The following KBTBD3 variants were observed in gnomAD, a reference collection of about 807,000 sequenced individuals.
KBTBD3 encodes kelch repeat and BTB domain-containing protein 3.
KBTBD3 carries 38 observed loss-of-function variants against 49.6 expected under a neutral mutation model. That is an observed-to-expected ratio of 0.77 (90% CI 0.59 to 1.00). The LOEUF is 1.00. Among genes scored for constraint, KBTBD3 ranks in the 50% least tolerant of loss-of-function variants. KBTBD3 has a pLI of 0.00. For missense variants in KBTBD3, 661 were observed against 712.0 expected (o/e 0.93, Z 0.81); for synonymous variants, 214 against 250.4 (o/e 0.85, Z 1.37).
intron 2 of KBTBD3, among the ~76,000 whole-genome samples, chr11:106,062,414 A>G (rs1450693411): frequency 6.6e-6 from 1 of 152,208 alleles, no homozygotes; most frequent in African/African-American, 2.4e-5. Context: ...GATACCCAGG[A>G]GAGCTGACAG....
intron 3 of KBTBD3, 105 bp downstream of exon 3, chr11:106,058,760 A>T: frequency 1.4e-6 from 1 of 700,784 alleles, no homozygotes; most frequent in Non-Finnish European, 2.4e-6. Context: ...TTTTAGAATT[A>T]AAAATTACTG....
At chr11:106,059,926 C>A (rs1358062029) in intron 2 of KBTBD3, among the ~76,000 whole-genome samples, 1 of 152,092 alleles carries the variant, frequency 6.6e-6, no homozygotes, top group Non-Finnish European at 1.5e-5. Context: ...CAGTTATCAC[C>A]CTAAAATTAG....
intron 2 of KBTBD3, among the ~76,000 whole-genome samples, chr11:106,059,903 G>A (rs1448169388): frequency 2.0e-5 from 3 of 152,094 alleles, no homozygotes; most frequent in Non-Finnish European, 2.9e-5. Context: ...ACCTTGATTC[G>A]ACATTTCTGT....
rs112395379 is a variant in KBTBD3 at position 106,058,581 on chromosome 11, G to C, written c.233+284C>G. ...TGGGATTACAGGCGCACGCCATTGC[G>C]ACCGGCTAATTTTTGTATTTTTAGT... On this transcript the variant is annotated intron_variant, in intron 3 of 3. Coordinates refer to ENST00000531837, the MANE Select transcript of KBTBD3 (RefSeq NM_198439.3). 8.6e-5 allele frequency among the ~76,000 whole-genome samples: 13 copies of C among 151,766 alleles called. No homozygotes were observed. In the South Asian group the frequency reaches 2.7e-3, roughly 32 times the overall value.
At chr11:106,072,108 G>A (rs1421740392) in intron 2 of KBTBD3, among the ~76,000 whole-genome samples, 1 of 152,144 alleles carries the variant, frequency 6.6e-6, no homozygotes, top group African/African-American at 2.4e-5. Flanking sequence ...GTCATTACAT[G>A]TGTATTAAAT....
chr11:106,068,931 G>A (rs187596301), intron 2 of KBTBD3, among the ~76,000 whole-genome samples: 2 of 152,166 alleles, frequency 1.3e-5, no homozygotes, highest in Admixed American at 1.3e-4. Flanking sequence ...TATCCTATTA[G>A]GCAGCTAAAG....
At chr11:106,056,437 G>A (rs1186475888) in intron 3 of KBTBD3, among the ~76,000 whole-genome samples, 1 of 152,136 alleles carries the variant, frequency 6.6e-6, no homozygotes, top group Non-Finnish European at 1.5e-5. Context: ...ATAGCATCAA[G>A]AAGAGTGCAG....
rs1860430162 is a variant in KBTBD3 at position 106,052,153 on chromosome 11, T to G, written c.*697A>C. 6.6e-6 allele frequency: 1 copy of G among 151,508 alleles called. No homozygotes were observed. The highest frequency in any genetic ancestry group is 1.5e-5 in the Non-Finnish European group (1 of 67,730). 9.4% of individuals were successfully genotyped at this position (151,508 alleles called of 1,614,324 possible). ...ATCCAGAATGTTAATTTACTAAGAT[T>G]GAACCAGAAAATGAGAGGGGGGGAG... On this transcript the variant is annotated 3_prime_UTR_variant, in exon 4 of 4. Transcript: ENST00000531837.
At chr11:106,054,837 A>T (rs1204502199) in intron 3 of KBTBD3, among the ~76,000 whole-genome samples, 1 of 152,086 alleles carries the variant, frequency 6.6e-6, no homozygotes, top group African/African-American at 2.4e-5. Flanking sequence ...AATTACTTAA[A>T]ATATAATTAT....
chr11:106,054,854 CT>C (rs1340624100), intron 3 of KBTBD3, among the ~76,000 whole-genome samples: 1 of 151,854 alleles, frequency 6.6e-6, no homozygotes, highest in Middle Eastern at 3.2e-3. Context: ...TTATTTAGGG[CT>C]TAGGATTTAA....
intron 2 of KBTBD3, among the ~76,000 whole-genome samples, chr11:106,064,066 G>A (rs899869152): frequency 2.6e-4 from 40 of 152,164 alleles, no homozygotes; most frequent in African/African-American, 9.4e-4. Context: ...ATAAAATGGT[G>A]GAGGAAGGGA....
At chr11:106,075,305 T>C (rs747549169) in intron 2 of KBTBD3, among the ~76,000 whole-genome samples, 16 of 152,212 alleles carry the variant, frequency 1.1e-4, no homozygotes, top group Non-Finnish European at 2.1e-4. Context: ...TATTTATATT[T>C]CCTTAATAAA....
At position 106,069,811 on chromosome 11, in the gene KBTBD3, C is replaced by T. The variant is rs535896982; in HGVS notation, c.-13+6696G>A. Among the ~76,000 whole-genome samples the T allele has an allele frequency of 4.0e-5, 6 of 151,730 alleles. No individual in the cohort carries two copies. The East Asian group carries it at 1.2e-3, about 29-fold the overall frequency. ...AAAGAAAATAGAATATCTAATACAACCAAAAAGAATAATAATGAGGGAAGT... is the reference window on the plus strand; with the variant it reads ...AAAGAAAATAGAATATCTAATACAATCAAAAAGAATAATAATGAGGGAAGT... On this transcript the variant is annotated intron_variant, in intron 2 of 3. Coordinates refer to ENST00000531837, the MANE Select transcript of KBTBD3 (RefSeq NM_198439.3).
intron 2 of KBTBD3, among the ~76,000 whole-genome samples, chr11:106,065,818 A>G (rs1046294622): frequency 1.3e-5 from 2 of 151,930 alleles, no homozygotes; most frequent in East Asian, 1.9e-4. Flanking sequence ...AAAATTAGCC[A>G]GGCATGGTAG....
chr11:106,071,456 A>T (rs1295134267), intron 2 of KBTBD3, among the ~76,000 whole-genome samples: 1 of 152,248 alleles, frequency 6.6e-6, no homozygotes, highest in East Asian at 1.9e-4. Flanking sequence ...GGACCACATG[A>T]TGTAAACACA....
intron 3 of KBTBD3, among the ~76,000 whole-genome samples, chr11:106,056,136 T>A (rs1351039151): frequency 1.3e-5 from 2 of 152,226 alleles, no homozygotes; most frequent in African/African-American, 2.4e-5. Flanking sequence ...ACATTTTCAG[T>A]ATTCCATTGA....
Position 106,054,257 on chromosome 11 carries a change from A to G in KBTBD3, c.432T>C (p.Phe144=). 5.0e-6 allele frequency: 8 copies of G among 1,612,190 alleles called. No individual in the cohort carries two copies. Among genetic ancestry groups the G allele is most frequent in the Non-Finnish European group, 6.8e-6 (8 of 1,179,116 alleles). The change falls in exon 4 of 4, where the codon TTT becomes TTC. Residue 144 remains phenylalanine, a synonymous_variant. Transcript: ENST00000531837. The part of the protein sequence containing the change: ...VSFLSKACSD[F]LIKSINLVNC... ...TGACAAGATTAATACTTTTTATTAA[A>G]AAGTCACTGCAAGCTTTGGATAGGA... is the stretch of plus-strand genomic sequence containing the variant.
rs79092557 is a variant in KBTBD3 at position 106,053,728 on chromosome 11, A to G, written c.961T>C (p.Trp321Arg). 2.5e-6 allele frequency: 4 copies of G among 1,613,690 alleles called. No individual in the cohort carries two copies. Among genetic ancestry groups the G allele is most frequent in the South Asian group, 1.1e-5 (1 of 91,076 alleles). ...AGGTGTGATTGCGGCAGTATTTTCCATGAATCAGATTTAATGTTATAGCAA... is the reference window on the plus strand; with the variant it reads ...AGGTGTGATTGCGGCAGTATTTTCCGTGAATCAGATTTAATGTTATAGCAA... ...TFCYNIKSDS[W>R]KILPQSHLID... Residue 321 changes from tryptophan (W) to arginine (R), a missense_variant, in exon 4 of 4, where the codon TGG becomes CGG. Physicochemically the swap from Trp to Arg is moderately radical, Grantham distance 101. Coordinates refer to ENST00000531837, the MANE Select transcript of KBTBD3 (RefSeq NM_198439.3).
chr11:106,064,197 G>A (rs1288004795), intron 2 of KBTBD3, among the ~76,000 whole-genome samples: 1 of 152,054 alleles, frequency 6.6e-6, no homozygotes, highest in East Asian at 1.9e-4. Context: ...AAGAATTGGT[G>A]GGAGATTTGT....
Sources: allele counts gnomAD v4.1 joint callset (sites outside exome capture counted in the v4.1 genomes callset), GRCh38; gene constraint gnomAD v4.1.1; transcripts MANE v1.5; gene names NCBI Gene and HGNC (gene_info 2026-07-23, HGNC 2026-07-21).